INTS4: variants seen among roughly 807,000 people sequenced by gnomAD.
INTS4 encodes MSTP093.
A neutral mutation model predicts 119.5 loss-of-function variants in INTS4; 70 were observed. That is an observed-to-expected ratio of 0.59 (90% CI 0.48 to 0.71). The LOEUF (loss-of-function observed/expected upper bound fraction) is 0.71. INTS4 is among the 30% of genes least tolerant of loss of function. INTS4 has a pLI of 0.00. For missense variants in INTS4, 867 were observed against 1,173.2 expected, an observed-to-expected ratio of 0.74 and a Z score of 3.81; for synonymous variants, 316 against 419.6, an observed-to-expected ratio of 0.75 and a Z score of 3.02.
rs11370501 is a variant in INTS4, at chr11:77,961,143, T to TAAAAAAAAAAAAA, written c.472-18_472-6dup. ...ATGAGACGTATCTGTCAGATGCTAT[T>TAAAAAAAAAAAAA]AAAAAAAAAAAAAAAAAGAAAAAAA... is the stretch of plus-strand genomic sequence containing the variant. On this transcript the variant is annotated splice_region_variant and splice_polypyrimidine_tract_variant and intron_variant, in intron 4 of 22. Transcript: ENST00000534064. 3 of 1,216,666 alleles carry TAAAAAAAAAAAAA rather than the reference T, an allele frequency of 2.5e-6. No individual in the cohort carries two copies. The highest frequency in any genetic ancestry group is 2.1e-6 in the Non-Finnish European group (2 of 967,560). The allele number at this position is 1,216,666 out of a possible 1,614,324, so 75.4% of individuals were successfully genotyped here. A position where few individuals can be genotyped will look rare whatever the true frequency, so the allele number is the denominator to read the frequency against.
intron 3 of INTS4, 146 bp from the exon 4 acceptor site, chr11:77,979,248 A>C (rs967108611): frequency 5.8e-6 from 3 of 516,850 alleles, no homozygotes; most frequent in African/African-American, 3.8e-5. Flanking sequence ...AGGCAGGAGA[A>C]TCCCTTGAGC....
intron 10 of INTS4, among the ~76,000 whole-genome samples, chr11:77,935,411 T>G (rs1416184163): frequency 6.6e-6 from 1 of 151,862 alleles, no homozygotes; most frequent in Non-Finnish European, 1.5e-5. Flanking sequence ...TAGAGCAAAT[T>G]ACTAGAAAGG....
intron 18 of INTS4, among the ~76,000 whole-genome samples, chr11:77,898,503 C>A (rs959654112): frequency 6.6e-6 from 1 of 152,156 alleles, no homozygotes; most frequent in Non-Finnish European, 1.5e-5. Context: ...CAAACAAAAG[C>A]ATACTAAAAT....
chr11:77,909,892 G>C (rs1178285487), intron 15 of INTS4, among the ~76,000 whole-genome samples: 3 of 152,162 alleles, frequency 2.0e-5, no homozygotes, highest in Admixed American at 6.5e-5. Context: ...ACCACAGTGA[G>C]ATACCATCTC....
At chr11:77,928,750 G>A (rs1953573067) in intron 10 of INTS4, among the ~76,000 whole-genome samples, 1 of 152,212 alleles carries the variant, frequency 6.6e-6, no homozygotes, top group African/African-American at 2.4e-5. Context: ...TTGGGAGGCT[G>A]AGAAGGGAGG....
intron 18 of INTS4, among the ~76,000 whole-genome samples, chr11:77,896,576 C>CGG (rs1952528498): frequency 6.7e-6 from 1 of 149,576 alleles, no homozygotes; most frequent in Admixed American, 6.7e-5. Context: ...CTCTTGAACC[C>CGG]GGGAGGTGGA....
chr11:77,954,052 T>C (rs1279465278), intron 8 of INTS4, among the ~76,000 whole-genome samples: 2 of 152,166 alleles, frequency 1.3e-5, no homozygotes, highest in African/African-American at 4.8e-5. Context: ...GACCTCGTGA[T>C]CCGCCCGCCT....
intron 8 of INTS4, among the ~76,000 whole-genome samples, chr11:77,954,277 G>A (rs1437324779): frequency 6.6e-6 from 1 of 151,756 alleles, no homozygotes; most frequent in Non-Finnish European, 1.5e-5. Context: ...AATGATAACA[G>A]CATTTTAAAA....
At chr11:77,954,538 T>C (rs1954272138) in intron 8 of INTS4, among the ~76,000 whole-genome samples, 1 of 152,186 alleles carries the variant, frequency 6.6e-6, no homozygotes, top group Non-Finnish European at 1.5e-5. Flanking sequence ...TCTAAGATAG[T>C]GGTCCCCCAC....
chr11:77,879,914 AG>A (rs1403303953), intron 22 of INTS4, among the ~76,000 whole-genome samples: 1 of 152,340 alleles, frequency 6.6e-6, no homozygotes, highest in East Asian at 1.9e-4. Context: ...ACATTATGAA[AG>A]AAAGACTGTC....
intron 8 of INTS4, among the ~76,000 whole-genome samples, chr11:77,955,047 A>C (rs1343627488): frequency 2.0e-5 from 3 of 147,676 alleles, no homozygotes; most frequent in African/African-American, 7.3e-5. Flanking sequence ...TTCTATATTA[A>C]GAAATTCTGG....
In INTS4 at chr11:77,924,761, G is replaced by C; in HGVS notation, c.1503C>G (p.Asp501Glu). The change falls in exon 12 of 23, where the codon GAC becomes GAG. Residue 501 changes from aspartate to glutamate, a missense_variant. Physicochemically the swap from Asp to Glu is conservative, Grantham distance 45. Coordinates refer to ENST00000534064, the MANE Select transcript of INTS4 (RefSeq NM_033547.4). ...KNLTKYPTDRDSIWKCLKFLG... is the reference protein window; with the variant it reads ...KNLTKYPTDRESIWKCLKFLG... ...AAAAAAGTCATTACTTCCATATGGA[G>C]TCCCTATCAGTAGGGTACTTGGTTA... The C allele has an allele frequency of 6.2e-7, 1 of 1,607,706 alleles. No individual in the cohort carries two copies. Among genetic ancestry groups the C allele is most frequent in the Non-Finnish European group, 8.5e-7 (1 of 1,174,788 alleles).
At chr11:77,945,748 G>A (rs1481872407) in intron 8 of INTS4, among the ~76,000 whole-genome samples, 1 of 152,090 alleles carries the variant, frequency 6.6e-6, no homozygotes, top group Non-Finnish European at 1.5e-5. Context: ...ACCCATCACA[G>A]AACCACCTGC....
At chr11:77,990,610 C>G (rs1856637972) in intron 2 of INTS4, among the ~76,000 whole-genome samples, 1 of 146,276 alleles carries the variant, frequency 6.8e-6, no homozygotes, top group African/African-American at 2.6e-5. Flanking sequence ...CGCTTGAACC[C>G]AGGAGGCAGA....
intron 22 of INTS4, among the ~76,000 whole-genome samples, chr11:77,880,418 CTCA>C (rs761928753): frequency 1.8e-4 from 27 of 152,314 alleles, no homozygotes; most frequent in Non-Finnish European, 3.7e-4. Flanking sequence ...TAAGTGCAGC[CTCA>C]TCATCAAGTA....
intron 4 of INTS4, among the ~76,000 whole-genome samples, chr11:77,962,698 T>C (rs931820865): frequency 6.6e-5 from 10 of 152,104 alleles, no homozygotes; most frequent in Admixed American, 3.3e-4. Context: ...CTCTGGTACT[T>C]GTATTTTATT....
intron 21 of INTS4, among the ~76,000 whole-genome samples, chr11:77,884,512 T>C (rs972298272): frequency 3.3e-5 from 5 of 152,198 alleles, no homozygotes; most frequent in Non-Finnish European, 7.3e-5. Flanking sequence ...CAGCTCCCTG[T>C]GTAGACAGCC....
intron 6 of INTS4, among the ~76,000 whole-genome samples, chr11:77,959,632 T>C (rs1184264911): frequency 2.0e-5 from 3 of 152,128 alleles, no homozygotes; most frequent in East Asian, 3.9e-4. Flanking sequence ...AAGGCGATGG[T>C]CACACCACCA....
At chr11:77,925,323 C>T (rs951144076) in intron 11 of INTS4, among the ~76,000 whole-genome samples, 2 of 152,158 alleles carry the variant, frequency 1.3e-5, no homozygotes, top group African/African-American at 4.8e-5. Context: ...TCAAAGATCA[C>T]TGATCACAGA....
Sources: gnomAD v4.1 joint callset for allele counts (sites outside exome capture counted in the v4.1 genomes callset) on GRCh38, gnomAD v4.1.1 for gene constraint, MANE v1.5 for transcripts, NCBI Gene and HGNC (gene_info 2026-07-23, HGNC 2026-07-21) for gene names.